Variants in SMIM14 observed in about 807,000 individuals in gnomAD.
SMIM14 encodes chromosome 4 open reading frame 34.
Under a neutral mutation model 12.6 loss-of-function variants are expected in SMIM14, and 5 were observed. That is an observed-to-expected ratio of 0.40 (90% CI 0.21 to 0.83). The LOEUF (loss-of-function observed/expected upper bound fraction) is 0.83. Among genes scored for constraint, SMIM14 ranks in the 40% least tolerant of loss-of-function variants. The pLI is 0.37. For missense variants in SMIM14, 86 were observed against 119.1 expected, an observed-to-expected ratio of 0.72 and a Z score of 1.29; for synonymous variants, 30 against 40.1, an observed-to-expected ratio of 0.75 and a Z score of 0.95.
At chr4:39,574,640 T>C (rs1216571507) in intron 2 of SMIM14, among the ~76,000 whole-genome samples, 2 of 152,198 alleles carry the variant, frequency 1.3e-5, no homozygotes, top group Admixed American at 6.6e-5. Flanking sequence ...ATATCACCTA[T>C]ATCTAAGAGT....
intron 4 of SMIM14, among the ~76,000 whole-genome samples, chr4:39,554,921 C>A (rs935913838): frequency 6.7e-6 from 1 of 148,442 alleles, no homozygotes; most frequent in Non-Finnish European, 1.5e-5. Context: ...CTGCAACCTC[C>A]ATCTCCTGGG....
chr4:39,597,826 T>C (rs1008655779), intron 2 of SMIM14, among the ~76,000 whole-genome samples: 2 of 152,180 alleles, frequency 1.3e-5, no homozygotes, highest in African/African-American at 2.4e-5. Flanking sequence ...ACTTTGCCTG[T>C]TTTTCTGCTC....
chr4:39,574,237 C>CTTTTT lies in SMIM14; in HGVS notation c.76-1779_76-1775dup, dbSNP rs11338888. Among the ~76,000 whole-genome samples, 965 of 126,244 alleles carry CTTTTT rather than the reference C, an allele frequency of 7.6e-3. 5 individuals are homozygous for CTTTTT. The highest frequency in any genetic ancestry group is 0.011 in the Non-Finnish European group (647 of 60,420). The allele number at this position is 126,244 out of a possible 152,430, so 82.8% of individuals were successfully genotyped here. On this transcript the variant is annotated intron_variant, in intron 2 of 4. Transcript: ENST00000295958. The stretch of plus-strand genomic sequence containing the variant: ...ATTTAAAGTCTGGTTCTGCAACTTT[C>CTTTTT]TTTTTTTTTTTTTTTTTTTTCTTTT...
chr4:39,609,853 C>T (rs1334310451), intron 1 of SMIM14, among the ~76,000 whole-genome samples: 6 of 152,328 alleles, frequency 3.9e-5, no homozygotes, highest in South Asian at 2.1e-4. Context: ...TCAGCGACAA[C>T]GGCGGGGCTC....
intron 1 of SMIM14, among the ~76,000 whole-genome samples, chr4:39,633,845 G>C (rs1715995689): frequency 6.6e-6 from 1 of 152,224 alleles, no homozygotes; most frequent in South Asian, 2.1e-4. Context: ...AAAGGAAGAA[G>C]AAAATGCTAC....
intron 1 of SMIM14, among the ~76,000 whole-genome samples, chr4:39,637,705 C>T (rs1355125155): frequency 6.6e-6 from 1 of 152,096 alleles, no homozygotes; most frequent in Non-Finnish European, 1.5e-5. Context: ...AAGGAATCTG[C>T]GCGGCCAGCC....
chr4:39,559,414 GA>G (rs1445636493), intron 3 of SMIM14, among the ~76,000 whole-genome samples: 1 of 151,484 alleles, frequency 6.6e-6, no homozygotes, highest in Non-Finnish European at 1.5e-5. Flanking sequence ...GAAAGGAAAA[GA>G]AAAAGAAATA....
chr4:39,579,924 C>T (rs1336998837), intron 2 of SMIM14, among the ~76,000 whole-genome samples: 1 of 150,394 alleles, frequency 6.6e-6, no homozygotes, highest in Non-Finnish European at 1.5e-5. Flanking sequence ...CTAATGACAA[C>T]AAGTGGACAA....
At chr4:39,624,800 A>G (rs951667928) in intron 1 of SMIM14, among the ~76,000 whole-genome samples, 2 of 137,278 alleles carry the variant, frequency 1.5e-5, no homozygotes, top group Admixed American at 8.0e-5. Context: ...TGGACAACAG[A>G]GCAAGACACC....
intron 3 of SMIM14, among the ~76,000 whole-genome samples, chr4:39,564,624 T>C (rs1712481292): frequency 6.6e-6 from 1 of 152,192 alleles, no homozygotes. Context: ...TAGCGTTTTT[T>C]AGATAAAGAT....
rs897579446 is a variant in SMIM14 at position 39,579,848 on chromosome 4, A to AAG, written c.76-7386_76-7385insCT. Among the ~76,000 whole-genome samples the AAG allele has an allele frequency of 1.7e-3, 265 of 151,462 alleles. 3 individuals are homozygous for AAG. The highest frequency in any genetic ancestry group is 1.1e-3 in the Non-Finnish European group (76 of 67,812). ...GACAGAGTGAGACTCCGTCTCAAAA[A>AAG]AAAAAAAAAAGAAAGAAAGCCTTGG... On this transcript the variant is annotated intron_variant, in intron 2 of 4. Transcript: ENST00000295958.
At chr4:39,601,703 T>C (rs543928548) in intron 2 of SMIM14, among the ~76,000 whole-genome samples, 1 of 152,136 alleles carries the variant, frequency 6.6e-6, no homozygotes, top group South Asian at 2.1e-4. Flanking sequence ...TCCCAACACT[T>C]TGGGAGGCTA....
At chr4:39,600,328 C>T (rs1414258046) in intron 2 of SMIM14, among the ~76,000 whole-genome samples, 1 of 152,072 alleles carries the variant, frequency 6.6e-6, no homozygotes, top group African/African-American at 2.4e-5. Context: ...CATGAGCCAC[C>T]GTGCCCAGCC....
At chr4:39,629,401 A>G (rs969444904) in intron 1 of SMIM14, among the ~76,000 whole-genome samples, 181 of 116,402 alleles carry the variant, frequency 1.6e-3, no homozygotes, top group African/African-American at 5.0e-3. Context: ...TATATATTCC[A>G]TACTATGTTG....
chr4:39,590,600 G>A (rs986755661), intron 2 of SMIM14, among the ~76,000 whole-genome samples: 4 of 151,558 alleles, frequency 2.6e-5, no homozygotes, highest in African/African-American at 7.3e-5. Context: ...TCAGGAGTTC[G>A]AGACCAGCAT....
intron 1 of SMIM14, among the ~76,000 whole-genome samples, chr4:39,624,075 A>G (rs1715603160): frequency 6.6e-6 from 1 of 152,200 alleles, no homozygotes; most frequent in Admixed American, 6.5e-5. Context: ...TATCTTAAAA[A>G]GCATCAATAA....
In SMIM14 at chr4:39,564,827, T is replaced by A. The variant is rs116173462; in HGVS notation, c.124+7588A>T. ...TTCAGGCACAAGGAACAGCGAGAACTCCTGATTCAGGAGCCTGTGGGATGT... is the reference window on the plus strand; with the variant it reads ...TTCAGGCACAAGGAACAGCGAGAACACCTGATTCAGGAGCCTGTGGGATGT... On this transcript the variant is annotated intron_variant, in intron 3 of 4. Coordinates refer to ENST00000295958, the MANE Select transcript of SMIM14 (RefSeq NM_174921.3). Among the ~76,000 whole-genome samples the A allele has an allele frequency of 5.1e-3, 773 of 152,278 alleles. 5 individuals are homozygous for A. The highest frequency in any genetic ancestry group is 0.018 in the African/African-American group (728 of 41,564).
chr4:39,553,529 A>G (rs1326981543), intron 4 of SMIM14, among the ~76,000 whole-genome samples: 1 of 152,186 alleles, frequency 6.6e-6, no homozygotes, highest in Non-Finnish European at 1.5e-5. Context: ...TGTTTTATAA[A>G]TACTCTCTTC....
chr4:39,557,015 A>AT (rs1173457845), intron 3 of SMIM14, among the ~76,000 whole-genome samples: 7,019 of 134,888 alleles, frequency 0.052, 550 homozygotes, highest in African/African-American at 0.17. Context: ...GTCTCTAACA[A>AT]TTTTTTTTTT....
Sources: gnomAD v4.1 joint callset for allele counts (sites outside exome capture counted in the v4.1 genomes callset) on GRCh38, gnomAD v4.1.1 for gene constraint, MANE v1.5 for transcripts, NCBI Gene and HGNC (gene_info 2026-07-23, HGNC 2026-07-21) for gene names.